Variants in WIPI2 observed in about 807,000 individuals in gnomAD.
WIPI2 encodes WD repeat domain phosphoinositide-interacting protein 2.
WIPI2 carries 28 observed loss-of-function variants against 52.3 expected under a neutral mutation model. The observed-to-expected ratio is 0.54, with a 90% CI of 0.40 to 0.73. The LOEUF (loss-of-function observed/expected upper bound fraction) is 0.73. Among genes scored for constraint, WIPI2 ranks in the 30% least tolerant of loss-of-function variants. WIPI2 has a pLI of 0.00. For missense variants in WIPI2, 506 were observed against 602.9 expected, an observed-to-expected ratio of 0.84 and a Z score of 1.68; for synonymous variants, 268 against 245.0, an observed-to-expected ratio of 1.09 and a Z score of -0.88.
intron 1 of WIPI2, among the ~76,000 whole-genome samples, chr7:5,192,254 C>G (rs1038447614): frequency 6.6e-6 from 1 of 152,134 alleles, no homozygotes; most frequent in African/African-American, 2.4e-5. Flanking sequence ...GGACACATCC[C>G]AAACCAATTC....
At chr7:5,196,134 G>T (rs938880330) in intron 2 of WIPI2, among the ~76,000 whole-genome samples, 15 of 152,056 alleles carry the variant, frequency 9.9e-5, no homozygotes, top group African/African-American at 3.4e-4. Context: ...GAGGTCAAGA[G>T]TTCGAGACCA....
chr7:5,229,500 G>C, intron 11 of WIPI2, 108 bp from the exon 12 acceptor site: 1 of 1,371,576 alleles, frequency 7.3e-7, no homozygotes, highest in Non-Finnish European at 9.8e-7. Context: ...CTGGCGTCCT[G>C]TGTGGTGAGT....
At chr7:5,229,810 C>G (rs556796266) in intron 12 of WIPI2, 72 bp downstream of exon 12, 4 of 1,581,662 alleles carry the variant, frequency 2.5e-6, no homozygotes, top group Non-Finnish European at 2.6e-6. Context: ...TCTGCTGGCT[C>G]CGGAGCCACC....
At chr7:5,214,771 C>T in intron 4 of WIPI2, 67 bp downstream of exon 4, 1 of 1,562,692 alleles carries the variant, frequency 6.4e-7, no homozygotes, top group Non-Finnish European at 8.7e-7. Context: ...GACAAGCCCA[C>T]CCCACCGGCA....
rs1472526251 is a variant in WIPI2, at chr7:5,190,365, C to T, written c.-55C>T. The T allele has an allele frequency of 7.1e-6, 9 of 1,273,428 alleles. No homozygotes were observed. The South Asian group carries it at 1.4e-4, about 20-fold the overall frequency. The allele number at this position is 1,273,428 out of a possible 1,614,324, so 78.9% of individuals were successfully genotyped here. ...GGCGCCGACCCTGAGTGCAGCCTGA[C>T]CCGCCCTCGCGCGCGCGCCCTCCCC... On this transcript the variant is annotated 5_prime_UTR_variant, in exon 1 of 13. Coordinates refer to ENST00000288828, the MANE Select transcript of WIPI2 (RefSeq NM_015610.4).
At chr7:5,228,450 A>G (rs1245517230) in intron 11 of WIPI2, among the ~76,000 whole-genome samples, 1 of 152,212 alleles carries the variant, frequency 6.6e-6, no homozygotes, top group Non-Finnish European at 1.5e-5. Flanking sequence ...GGGACTGGGC[A>G]CAGAGGCGAC....
chr7:5,194,317 G>A (rs926402388), intron 2 of WIPI2, among the ~76,000 whole-genome samples: 2 of 152,216 alleles, frequency 1.3e-5, no homozygotes, highest in African/African-American at 4.8e-5. Flanking sequence ...TTGGTTTACA[G>A]TGTCGGGCTC....
chr7:5,197,835 A>G (rs1781823912), intron 2 of WIPI2, among the ~76,000 whole-genome samples: 1 of 152,190 alleles, frequency 6.6e-6, no homozygotes, highest in Non-Finnish European at 1.5e-5. Flanking sequence ...CCAGATGTTA[A>G]AAGTGATCCT....
chr7:5,190,967 T>A (rs1781454699), intron 1 of WIPI2: 1 of 156,756 alleles, frequency 6.4e-6, no homozygotes, highest in African/African-American at 2.4e-5. Flanking sequence ...CTTCTCTCTC[T>A]CTTGATTTTC....
At chr7:5,228,310 C>G (rs1355699143) in intron 11 of WIPI2, 99 bp downstream of exon 11, 1 of 1,117,570 alleles carries the variant, frequency 8.9e-7, no homozygotes, top group Non-Finnish European at 1.2e-6. Flanking sequence ...AAACCAGTGA[C>G]ATAGAGGGGC....
At chr7:5,215,306 C>T (rs962813685) in intron 4 of WIPI2, among the ~76,000 whole-genome samples, 8 of 151,766 alleles carry the variant, frequency 5.3e-5, no homozygotes, top group Admixed American at 3.3e-4. Context: ...AGTGAGACTT[C>T]GTCTCAAAAA....
chr7:5,225,203 C>A (rs537351358), intron 8 of WIPI2, among the ~76,000 whole-genome samples: 54 of 151,518 alleles, frequency 3.6e-4, no homozygotes, highest in African/African-American at 1.3e-3. Flanking sequence ...TGCAGTGGTG[C>A]GATCTCAGCT....
chr7:5,219,426 A>G (rs927890981), intron 7 of WIPI2, among the ~76,000 whole-genome samples: 7 of 147,680 alleles, frequency 4.7e-5, no homozygotes, highest in African/African-American at 7.6e-5. Flanking sequence ...AAAGTACTTG[A>G]TGGAATTTTA....
At chr7:5,201,478 T>C (rs1482873550) in intron 3 of WIPI2, among the ~76,000 whole-genome samples, 1 of 152,240 alleles carries the variant, frequency 6.6e-6, no homozygotes, top group Admixed American at 6.5e-5. Context: ...GCGCAGTGGC[T>C]CACGCCTGTA....
intron 5 of WIPI2, 50 bp downstream of exon 5, chr7:5,216,709 A>G: frequency 6.4e-7 from 1 of 1,567,012 alleles, no homozygotes; most frequent in Non-Finnish European, 8.8e-7. Flanking sequence ...TTTGCCCTTG[A>G]AAGATAGCTA....
At chr7:5,210,229 T>C (rs532461079) in intron 3 of WIPI2, among the ~76,000 whole-genome samples, 2 of 152,276 alleles carry the variant, frequency 1.3e-5, no homozygotes, top group South Asian at 4.1e-4. Flanking sequence ...CTCCTATAGA[T>C]AGTTGCCTAA....
intron 2 of WIPI2, among the ~76,000 whole-genome samples, chr7:5,194,340 C>T (rs1440717055): frequency 6.6e-6 from 1 of 152,152 alleles, no homozygotes; most frequent in African/African-American, 2.4e-5. Context: ...TCCGCCTAAG[C>T]ACGCAATCAA....
chr7:5,229,997 T>C (rs577183951), intron 12 of WIPI2, among the ~76,000 whole-genome samples: 2 of 147,476 alleles, frequency 1.4e-5, no homozygotes, highest in Admixed American at 1.4e-4. Context: ...CTCAAACTCC[T>C]CCTGGGCTCA....
Position 5,231,042 on chromosome 7 carries a change from G to T in WIPI2, c.*95G>T. On this transcript the variant is annotated 3_prime_UTR_variant, in exon 13 of 13. Transcript: ENST00000288828. ...CTATGAACTTTGACCTGAGTCGGGG[G>T]AGAGGATGGCAGAGACTTTATTAAA... The T allele has an allele frequency of 9.9e-7, 1 of 1,008,592 alleles. No homozygotes were observed. The highest frequency in any genetic ancestry group is 1.4e-6 in the Non-Finnish European group (1 of 709,658). The allele number at this position is 1,008,592 out of a possible 1,614,324, so 62.5% of individuals were successfully genotyped here.
Sources: gnomAD v4.1 joint callset for allele counts (sites outside exome capture counted in the v4.1 genomes callset) on GRCh38, gnomAD v4.1.1 for gene constraint, MANE v1.5 for transcripts, NCBI Gene and HGNC (gene_info 2026-07-23, HGNC 2026-07-21) for gene names.